Variants in NOL4 observed in about 807,000 individuals in gnomAD.
NOL4 encodes cancer/testis antigen 125.
A neutral mutation model predicts 75.9 loss-of-function variants in NOL4; 17 were observed. The observed-to-expected ratio is 0.22, with a 90% CI of 0.15 to 0.34. The LOEUF is 0.34. Ranked by LOEUF, NOL4 falls within the 10% of genes least tolerant of loss-of-function variation. NOL4 has a pLI of 1.00. For missense variants in NOL4, 614 were observed against 793.5 expected, an observed-to-expected ratio of 0.77 and a Z score of 2.72; for synonymous variants, 292 against 289.9, an observed-to-expected ratio of 1.01 and a Z score of -0.07.
At chr18:34,040,414 A>T (rs1195775039) in intron 5 of NOL4, among the ~76,000 whole-genome samples, 1 of 152,034 alleles carries the variant, frequency 6.6e-6, no homozygotes, top group African/African-American at 2.4e-5. Context: ...AGCTATTTTC[A>T]AAATAGAAAC....
chr18:33,887,130 C>A (rs2064782085), intron 9 of NOL4, among the ~76,000 whole-genome samples: 1 of 139,320 alleles, frequency 7.2e-6, no homozygotes, highest in Admixed American at 7.4e-5. Flanking sequence ...TATATTATAT[C>A]TAGATATATC....
At chr18:33,881,883 C>G (rs1599728379) in intron 10 of NOL4, among the ~76,000 whole-genome samples, 1 of 151,896 alleles carries the variant, frequency 6.6e-6, no homozygotes, top group Non-Finnish European at 1.5e-5. Context: ...CAGAACAGAG[C>G]CCTCAGAAAT....
At chr18:33,864,132 G>T (rs1162376137) in intron 10 of NOL4, among the ~76,000 whole-genome samples, 1 of 152,134 alleles carries the variant, frequency 6.6e-6, no homozygotes, top group Admixed American at 6.5e-5. Context: ...GAAACCATTT[G>T]TTCCTCCTAG....
chr18:34,046,620 A>ATATATATATATATATATATATATG (rs2076386562), intron 5 of NOL4, among the ~76,000 whole-genome samples: 2 of 133,678 alleles, frequency 1.5e-5, no homozygotes, highest in Non-Finnish European at 3.2e-5. Flanking sequence ...ATATATATAT[A>ATATATATATATATATATATATATG]TATATATATA....
At chr18:34,059,122 C>CATACATAT (rs779248291) in intron 5 of NOL4, among the ~76,000 whole-genome samples, 4 of 118,208 alleles carry the variant, frequency 3.4e-5, no homozygotes, top group South Asian at 3.2e-4. Flanking sequence ...GATAGATATA[C>CATACATAT]ATATATATAT....
intron 5 of NOL4, among the ~76,000 whole-genome samples, chr18:34,065,299 T>A (rs1366745853): frequency 2.0e-5 from 3 of 151,898 alleles, no homozygotes; most frequent in Non-Finnish European, 4.4e-5. Context: ...ATTTATTAAT[T>A]TTCTCTGGAG....
At chr18:33,861,678 A>T (rs1326206135) in intron 10 of NOL4, among the ~76,000 whole-genome samples, 1 of 152,196 alleles carries the variant, frequency 6.6e-6, no homozygotes, top group African/African-American at 2.4e-5. Context: ...AATTGCTTCA[A>T]AGAGAATAAA....
intron 9 of NOL4, among the ~76,000 whole-genome samples, chr18:33,929,772 C>T (rs1458356129): frequency 6.6e-6 from 1 of 151,940 alleles, no homozygotes; most frequent in Non-Finnish European, 1.5e-5. Context: ...ATTTTAGGAC[C>T]TATTTAGAAG....
At chr18:33,858,961 T>C (rs2062965005) in intron 10 of NOL4, among the ~76,000 whole-genome samples, 1 of 152,092 alleles carries the variant, frequency 6.6e-6, no homozygotes, top group Admixed American at 6.6e-5. Flanking sequence ...TATAAAAATA[T>C]TAATTTTATA....
intron 6 of NOL4, among the ~76,000 whole-genome samples, chr18:34,008,310 T>C (rs1179357593): frequency 6.6e-6 from 1 of 151,896 alleles, no homozygotes. Context: ...GATCATTGAA[T>C]TTCTTAGCCT....
intron 1 of NOL4, among the ~76,000 whole-genome samples, chr18:34,132,726 T>C (rs1448155488): frequency 7.0e-6 from 1 of 142,608 alleles, no homozygotes; most frequent in East Asian, 2.1e-4. Flanking sequence ...AACCCAAAGT[T>C]TCAAAAACGC....
At chr18:34,092,698 A>G (rs999984922) in intron 5 of NOL4, among the ~76,000 whole-genome samples, 5 of 152,264 alleles carry the variant, frequency 3.3e-5, no homozygotes, top group Admixed American at 2.6e-4. Flanking sequence ...TAACTGGCCA[A>G]TTTCCTTCTA....
chr18:34,021,620 G>T (rs2075042547), intron 5 of NOL4, among the ~76,000 whole-genome samples: 1 of 152,072 alleles, frequency 6.6e-6, no homozygotes, highest in Admixed American at 6.5e-5. Context: ...AGAATGGTAT[G>T]AAGGGGCAAA....
chr18:34,155,241 A>T (rs1441011816), intron 1 of NOL4, among the ~76,000 whole-genome samples: 1 of 152,058 alleles, frequency 6.6e-6, no homozygotes, highest in Admixed American at 6.6e-5. Flanking sequence ...CAATGAAAAG[A>T]AAGAAAAATG....
At chr18:33,866,497 C>T (rs951940168) in intron 10 of NOL4, among the ~76,000 whole-genome samples, 1 of 152,110 alleles carries the variant, frequency 6.6e-6, no homozygotes, top group Non-Finnish European at 1.5e-5. Context: ...TTATTTGCCA[C>T]ATTGGCCTTT....
At chr18:33,877,851 T>TGTGTGC (rs775873694) in intron 10 of NOL4, among the ~76,000 whole-genome samples, 16 of 148,608 alleles carry the variant, frequency 1.1e-4, no homozygotes, top group Non-Finnish European at 1.6e-4. Flanking sequence ...TGTGTGTGTG[T>TGTGTGC]GCGCTATCAT....
chr18:34,124,720 C>G (rs773069420), intron 2 of NOL4, among the ~76,000 whole-genome samples: 15 of 152,110 alleles, frequency 9.9e-5, no homozygotes, highest in Non-Finnish European at 1.5e-4. Context: ...GCCTGACCAA[C>G]ATGGTGAAAC....
chr18:34,024,419 C>T (rs776316888), intron 5 of NOL4, among the ~76,000 whole-genome samples: 2 of 151,004 alleles, frequency 1.3e-5, no homozygotes, highest in Non-Finnish European at 3.0e-5. Context: ...ATGTAAATAG[C>T]CTTGCTGAAA....
chr18:34,198,686 C>A (rs996069685), intron 1 of NOL4, among the ~76,000 whole-genome samples: 1 of 151,662 alleles, frequency 6.6e-6, no homozygotes, highest in African/African-American at 2.4e-5. Flanking sequence ...TACATTTGAC[C>A]AAGCTTCTTT....
Sources: gnomAD v4.1 joint callset for allele counts (sites outside exome capture counted in the v4.1 genomes callset) on GRCh38, gnomAD v4.1.1 for gene constraint, MANE v1.5 for transcripts, NCBI Gene and HGNC (gene_info 2026-07-23, HGNC 2026-07-21) for gene names.